Variants in EXOC5 observed in about 807,000 individuals in gnomAD.
The protein encoded by EXOC5 is exocyst complex component 5.
EXOC5 carries 17 observed loss-of-function variants against 90.8 expected under a neutral mutation model. That is an observed-to-expected ratio of 0.19 (90% CI 0.13 to 0.28). The LOEUF is 0.28. EXOC5 is among the 10% of genes least tolerant of loss of function. The pLI, the probability that EXOC5 is intolerant of heterozygous loss-of-function variation, is 1.00. For missense variants in EXOC5, 569 were observed against 830.6 expected (o/e 0.69, Z 3.87); for synonymous variants, 260 against 270.0 (o/e 0.96, Z 0.36).
At chr14:57,224,995 G>A (rs1357639218) in intron 12 of EXOC5, among the ~76,000 whole-genome samples, 1 of 152,084 alleles carries the variant, frequency 6.6e-6, no homozygotes, top group Non-Finnish European at 1.5e-5. Flanking sequence ...TGAAGAGGAG[G>A]AGGTTGCAGT....
intron 14 of EXOC5, among the ~76,000 whole-genome samples, chr14:57,218,945 T>C (rs895770070): frequency 3.9e-5 from 6 of 152,092 alleles, no homozygotes. Flanking sequence ...ATTTTTTGTA[T>C]GTATCTTTAC....
Position 57,201,417 on chromosome 14 carries a change from A to C in EXOC5, c.*7192T>G, listed in dbSNP as rs1213847129. 1 of 126,496 alleles carries C rather than the reference A, an allele frequency of 7.9e-6. No individual in the cohort carries two copies. Among genetic ancestry groups the C allele is most frequent in the Non-Finnish European group, 1.5e-5 (1 of 65,906 alleles). 7.8% of individuals were successfully genotyped at this position (126,496 alleles called of 1,614,324 possible). On this transcript the variant is annotated 3_prime_UTR_variant, in exon 18 of 18. Transcript: ENST00000621441. ...TAGTGATATCAAGAGAATTCTGATT[A>C]GTATATATATATACACACACACACG...
chr14:57,268,892 C>G lies in EXOC5; in HGVS notation c.-244G>C, dbSNP rs1216628433. 3 of 1,064,120 alleles carry G rather than the reference C, an allele frequency of 2.8e-6. No individual in the cohort carries two copies. Among genetic ancestry groups the G allele is most frequent in the Non-Finnish European group, 1.3e-6 (1 of 780,570 alleles). The allele number at this position is 1,064,120 out of a possible 1,614,324, so 65.9% of individuals were successfully genotyped here. A position where few individuals can be genotyped will look rare whatever the true frequency, so the allele number is the denominator to read the frequency against. On this transcript the variant is annotated 5_prime_UTR_variant, in exon 1 of 18. Coordinates refer to ENST00000621441, the MANE Select transcript of EXOC5 (RefSeq NM_006544.4). ...GCTCCCATTGTCACCGCCTCATACG[C>G]CGGAAGTGGAACTGCGCGCGCCAGG...
chr14:57,246,493 G>C (rs1462511242), intron 3 of EXOC5, among the ~76,000 whole-genome samples: 6 of 152,164 alleles, frequency 3.9e-5, no homozygotes, highest in Non-Finnish European at 8.8e-5. Context: ...TCTATCCTAA[G>C]AAGAGTACTG....
In EXOC5 at chr14:57,233,789, G is replaced by A. The variant is rs1264876393; in HGVS notation, c.809C>T (p.Thr270Ile). ...ATTTTGAATAAGTTTAGCCAGGACT[G>A]TTTCTGGATTACTGAAGATATCTCC... ...QVGDIFSNPE[T>I]VLAKLIQNVF... Residue 270 changes from threonine to isoleucine, a missense_variant, in exon 9 of 18, where the codon ACA becomes ATA. Around this residue, in one of 9 missense-constraint regions of EXOC5, gnomAD observed 114 missense variants for 111.2 expected, o/e 1.03. Transcript: ENST00000621441. The A allele has an allele frequency of 1.3e-6, 2 of 1,598,138 alleles. No individual in the cohort carries two copies. The highest frequency in any genetic ancestry group is 1.3e-5 in the African/African-American group (1 of 74,610).
chr14:57,217,341 G>A (rs1883004019), intron 15 of EXOC5, among the ~76,000 whole-genome samples: 1 of 152,090 alleles, frequency 6.6e-6, no homozygotes, highest in Admixed American at 6.5e-5. Context: ...ACAAGTTGCA[G>A]GCTTATGGCA....
chr14:57,214,033 AG>A (rs1882901990), intron 15 of EXOC5, among the ~76,000 whole-genome samples: 1 of 152,200 alleles, frequency 6.6e-6, no homozygotes, highest in Non-Finnish European at 1.5e-5. Context: ...TGTTAACCTC[AG>A]GGGTATCTGT....
At chr14:57,216,111 G>T (rs866884512) in intron 15 of EXOC5, among the ~76,000 whole-genome samples, 3 of 151,954 alleles carry the variant, frequency 2.0e-5, no homozygotes, top group Middle Eastern at 3.2e-3. Context: ...AACCAAGGAA[G>T]TAAAAGACTT....
At chr14:57,210,085 T>C (rs753167573) in intron 15 of EXOC5, 24 bp from the exon 16 acceptor site, 12 of 1,110,932 alleles carry the variant, frequency 1.1e-5, no homozygotes, top group Non-Finnish European at 1.5e-5. Context: ...AATACAACAT[T>C]CTTTAACCCA....
rs567619168 is a variant in EXOC5, at chr14:57,201,355, CAG to C, written c.*7252_*7253del. On this transcript the variant is annotated 3_prime_UTR_variant, in exon 18 of 18. Coordinates refer to ENST00000621441, the MANE Select transcript of EXOC5 (RefSeq NM_006544.4). The stretch of plus-strand genomic sequence containing the variant: ...GATAATTTGAGATTTGGTAAAATGA[CAG>C]ATTATAATTAGTTGAACAGAAAACT... The C allele has an allele frequency of 9.3e-4, 141 of 151,074 alleles. No individual in the cohort carries two copies. Among genetic ancestry groups the C allele is most frequent in the African/African-American group, 3.3e-3 (134 of 41,218 alleles). The allele number at this position is 151,074 out of a possible 1,614,324, so 9.4% of individuals were successfully genotyped here.
chr14:57,246,819 C>A lies in EXOC5; in HGVS notation c.162G>T (p.Gln54His). The A allele has an allele frequency of 1.3e-6, 2 of 1,593,640 alleles. No homozygotes were observed. Among genetic ancestry groups the A allele is most frequent in the Non-Finnish European group, 1.7e-6 (2 of 1,166,328 alleles). ...EEFVNHIQELQIMDERIQRKV... is the reference protein window; with the variant it reads ...EEFVNHIQELHIMDERIQRKV... ...TCCTCTGAATCCTTTCATCCATTAT[C>A]TGGAGTTCCTGAATATGATTTACAA... Residue 54 changes from glutamine (Q) to histidine (H), a missense_variant, in exon 3 of 18, where the codon CAG (glutamine) becomes CAT (histidine). Physicochemically the swap from Gln to His is conservative, Grantham distance 24. Coordinates refer to ENST00000621441, the MANE Select transcript of EXOC5 (RefSeq NM_006544.4).
chr14:57,237,649 T>C lies in EXOC5; in HGVS notation c.531-283A>G, dbSNP rs1883702603. The C allele has an allele frequency of 1.0e-5, 3 of 290,904 alleles. No homozygotes were observed. The South Asian group carries it at 2.2e-4, about 22-fold the overall frequency. The allele number at this position is 290,904 out of a possible 1,614,324, so 18.0% of individuals were successfully genotyped here. On this transcript the variant is annotated intron_variant, in intron 5 of 17. Coordinates refer to ENST00000621441, the MANE Select transcript of EXOC5 (RefSeq NM_006544.4). The stretch of plus-strand genomic sequence containing the variant: ...TCATTTAGGAAATTCACATTGAAAA[T>C]CAATTCTCTTTTTAAAGAATCAACT...
At chr14:57,260,642 T>C (rs1444919889) in intron 1 of EXOC5, among the ~76,000 whole-genome samples, 2 of 152,170 alleles carry the variant, frequency 1.3e-5, no homozygotes, top group Non-Finnish European at 2.9e-5. Flanking sequence ...CCTGTTACAC[T>C]AGTCTCAGCA....
chr14:57,233,434 T>C (rs892996837), intron 9 of EXOC5, among the ~76,000 whole-genome samples: 2 of 152,062 alleles, frequency 1.3e-5, no homozygotes, highest in African/African-American at 2.4e-5. Context: ...ATGACATCTA[T>C]TGGTGAAGGC....
At chr14:57,233,237 T>TA (rs372261625) in intron 9 of EXOC5, 19,828 of 142,552 alleles carry the variant, frequency 0.14, 1,705 homozygotes, top group African/African-American at 0.26. Flanking sequence ...TGAATTGTGT[T>TA]AAAAAAAAAA....
At chr14:57,230,424 A>AAC (rs141411059) in intron 11 of EXOC5, among the ~76,000 whole-genome samples, 1,025 of 92,262 alleles carry the variant, frequency 0.011, no homozygotes, top group African/African-American at 0.057. Flanking sequence ...GACTACCGTA[A>AAC]ACACACACAC....
rs1320483609 is a variant in EXOC5 at position 57,208,146 on chromosome 14, CAATT to C, written c.*459_*462del. The C allele has an allele frequency of 6.5e-6, 1 of 152,868 alleles. No homozygotes were observed. Among genetic ancestry groups the C allele is most frequent in the East Asian group, 1.9e-4 (1 of 5,204 alleles). 9.5% of individuals were successfully genotyped at this position (152,868 alleles called of 1,614,324 possible). On this transcript the variant is annotated 3_prime_UTR_variant, in exon 18 of 18. Coordinates refer to ENST00000621441, the MANE Select transcript of EXOC5 (RefSeq NM_006544.4). ...CGAAAACCTAAAATAATCTGATTAA[CAATT>C]GATGCTGAAAAGGTCATTAAAAACT...
intron 1 of EXOC5, among the ~76,000 whole-genome samples, chr14:57,262,538 ATG>A (rs55879618): frequency 0.2 from 28,474 of 143,690 alleles, 3,113 homozygotes; most frequent in South Asian, 0.29. Context: ...GTAAATACAT[ATG>A]TGTGTGTGTG....
chr14:57,217,562 T>G (rs1883010740), intron 15 of EXOC5, among the ~76,000 whole-genome samples: 1 of 152,134 alleles, frequency 6.6e-6, no homozygotes, highest in South Asian at 2.1e-4. Flanking sequence ...ACAAATGTAG[T>G]GTGTGTTCTG....
Sources: gnomAD v4.1 joint callset for allele counts (sites outside exome capture counted in the v4.1 genomes callset) on GRCh38, gnomAD v4.1.1 for gene constraint, gnomAD v4.1.1 regional missense constraint, MANE v1.5 for transcripts, NCBI Gene and HGNC (gene_info 2026-07-23, HGNC 2026-07-21) for gene names.